The following PRKCA variants were observed in gnomAD, a reference collection of about 807,000 sequenced individuals.
PRKCA encodes protein kinase C alpha.
PRKCA carries 27 observed loss-of-function variants against 87.0 expected under a neutral mutation model. That is an observed-to-expected ratio of 0.31 (90% CI 0.23 to 0.43). The LOEUF is 0.43. PRKCA is among the 20% of genes least tolerant of loss of function. The pLI is 1.00. For missense variants in PRKCA, 518 were observed against 852.3 expected (o/e 0.61, Z 4.88); for synonymous variants, 329 against 311.1 (o/e 1.06, Z -0.61).
chr17:66,343,309 C>T (rs182222784), intron 2 of PRKCA, among the ~76,000 whole-genome samples: 118 of 152,316 alleles, frequency 7.7e-4, no homozygotes, highest in African/African-American at 2.6e-3. Context: ...TCCATTTCCT[C>T]TCTGCCATGC....
At chr17:66,616,446 T>C (rs925585057) in intron 3 of PRKCA, among the ~76,000 whole-genome samples, 4 of 152,182 alleles carry the variant, frequency 2.6e-5, no homozygotes, top group African/African-American at 9.6e-5. Context: ...CTTTGTGATT[T>C]GTTTACTTGA....
chr17:66,635,489 G>A (rs1344461276), intron 3 of PRKCA, among the ~76,000 whole-genome samples: 2 of 152,164 alleles, frequency 1.3e-5, no homozygotes, highest in East Asian at 1.9e-4. Flanking sequence ...TTTGAAAAAC[G>A]GGTCAGAAAG....
intron 2 of PRKCA, among the ~76,000 whole-genome samples, chr17:66,444,037 C>A (rs867054117): frequency 6.6e-6 from 1 of 152,106 alleles, no homozygotes; most frequent in Non-Finnish European, 1.5e-5. Context: ...CTCAGTTTCT[C>A]ATTCTGTAAT....
chr17:66,478,875 T>C (rs7216355), intron 2 of PRKCA, among the ~76,000 whole-genome samples: 65,119 of 151,968 alleles, frequency 0.43, 14,461 homozygotes, highest in African/African-American at 0.54. Context: ...TTTGAAGCAC[T>C]GTGTATAAGT....
At chr17:66,755,807 C>A (rs111788519) in intron 13 of PRKCA, among the ~76,000 whole-genome samples, 1 of 152,164 alleles carries the variant, frequency 6.6e-6, no homozygotes, top group African/African-American at 2.4e-5. Flanking sequence ...GCGCCTCCCA[C>A]GTGGGAGACC....
At chr17:66,392,234 AC>A (rs67173186) in intron 2 of PRKCA, among the ~76,000 whole-genome samples, 28,691 of 136,708 alleles carry the variant, frequency 0.21, 3,439 homozygotes, top group Admixed American at 0.32. Flanking sequence ...TGTCTCAACA[AC>A]AACAAAAAAA....
chr17:66,587,199 C>T (rs1969623574), intron 3 of PRKCA, among the ~76,000 whole-genome samples: 1 of 152,196 alleles, frequency 6.6e-6, no homozygotes, highest in Non-Finnish European at 1.5e-5. Flanking sequence ...TTCTTTCTAA[C>T]ACAATGTTTT....
chr17:66,773,644 G>C (rs1427634221), intron 13 of PRKCA, among the ~76,000 whole-genome samples: 1 of 151,902 alleles, frequency 6.6e-6, no homozygotes, highest in African/African-American at 2.4e-5. Flanking sequence ...GTGAGCTGCT[G>C]CACCCGGCCT....
At chr17:66,743,678 A>G (rs1477355679) in intron 13 of PRKCA, among the ~76,000 whole-genome samples, 1 of 152,156 alleles carries the variant, frequency 6.6e-6, no homozygotes, top group Non-Finnish European at 1.5e-5. Context: ...TATGGATGCC[A>G]CAGTTTTTTC....
chr17:66,741,381 A>G (rs983654464), intron 11 of PRKCA, among the ~76,000 whole-genome samples: 2 of 152,248 alleles, frequency 1.3e-5, no homozygotes, highest in African/African-American at 2.4e-5. Context: ...AAATGATTGT[A>G]TGAGAAATTA....
intron 9 of PRKCA, 83 bp downstream of exon 9, chr17:66,732,908 T>C: frequency 6.7e-7 from 1 of 1,490,040 alleles, no homozygotes; most frequent in Non-Finnish European, 9.1e-7. Context: ...GTTTGCAGAA[T>C]AGCACATTAG....
At chr17:66,442,845 C>T (rs1240243677) in intron 2 of PRKCA, among the ~76,000 whole-genome samples, 1 of 152,202 alleles carries the variant, frequency 6.6e-6, no homozygotes, top group Non-Finnish European at 1.5e-5. Flanking sequence ...ACTTTTCTCT[C>T]TTTTGAGATA....
intron 16 of PRKCA, among the ~76,000 whole-genome samples, chr17:66,793,572 A>G (rs542717604): frequency 6.8e-6 from 1 of 146,996 alleles, no homozygotes; most frequent in South Asian, 2.2e-4. Flanking sequence ...CCTGGGCGAC[A>G]AGAATGAAAC....
chr17:66,535,876 A>G (rs1204840892), intron 3 of PRKCA, among the ~76,000 whole-genome samples: 1 of 152,178 alleles, frequency 6.6e-6, no homozygotes, highest in Non-Finnish European at 1.5e-5. Context: ...CCTTTTCACT[A>G]AAATACCTAC....
chr17:66,489,684 T>C (rs1366839030), intron 2 of PRKCA, among the ~76,000 whole-genome samples: 1 of 152,082 alleles, frequency 6.6e-6, no homozygotes, highest in East Asian at 1.9e-4. Flanking sequence ...ATTTAGAATT[T>C]TATAGAATGG....
rs538989010 is a variant in PRKCA at position 66,796,957 on chromosome 17, T to C, written c.1855-6916T>C. 386 of 985,438 alleles carry C rather than the reference T, an allele frequency of 3.9e-4. No individual in the cohort carries two copies. The African/African-American group carries it at 6.4e-3, about 16-fold the overall frequency. 61.0% of individuals were successfully genotyped at this position (985,438 alleles called of 1,614,324 possible). A position where few individuals can be genotyped will look rare whatever the true frequency, so the allele number is the denominator to read the frequency against. On this transcript the variant is annotated intron_variant, in intron 16 of 16. Transcript: ENST00000413366. ...GCAACATCCCTTTACTCTTTATTTGTTCTGCATCTTTCCTCTTCTTCTGGG... is the reference window on the plus strand; with the variant it reads ...GCAACATCCCTTTACTCTTTATTTGCTCTGCATCTTTCCTCTTCTTCTGGG...
At chr17:66,619,914 G>T (rs1398601386) in intron 3 of PRKCA, among the ~76,000 whole-genome samples, 2 of 152,112 alleles carry the variant, frequency 1.3e-5, no homozygotes, top group African/African-American at 4.8e-5. Flanking sequence ...AGTCACGAAG[G>T]AGACTAGATT....
intron 2 of PRKCA, among the ~76,000 whole-genome samples, chr17:66,399,831 T>C (rs1910915114): frequency 6.6e-6 from 1 of 152,172 alleles, no homozygotes; most frequent in African/African-American, 2.4e-5. Context: ...TATATATGGA[T>C]ATGTACATTG....
chr17:66,491,549 TTAC>T (rs766481462), intron 2 of PRKCA, among the ~76,000 whole-genome samples: 20 of 152,186 alleles, frequency 1.3e-4, no homozygotes, highest in Non-Finnish European at 2.6e-4. Context: ...TACCACCTTA[TTAC>T]CTCTTTACTC....
Sources: gnomAD v4.1 joint callset for allele counts (sites outside exome capture counted in the v4.1 genomes callset) on GRCh38, gnomAD v4.1.1 for gene constraint, MANE v1.5 for transcripts, NCBI Gene and HGNC (gene_info 2026-07-23, HGNC 2026-07-21) for gene names.